The following MAGED1 variants were observed in gnomAD, a reference collection of about 807,000 sequenced individuals.
MAGED1 encodes MAGE family member D1, also known as melanoma-associated antigen D1.
In MAGED1, 3 loss-of-function variants were observed where a neutral mutation model predicts 54.1. The observed-to-expected ratio is 0.06, with a 90% confidence interval of 0.03 to 0.14. MAGED1 has a LOEUF of 0.14. Among genes scored for constraint, MAGED1 ranks in the 10% least tolerant of loss-of-function variants. The pLI is 1.00. For missense variants in MAGED1, 485 were observed against 623.4 expected, an observed-to-expected ratio of 0.78 and a Z score of 2.36; for synonymous variants, 217 against 227.3, an observed-to-expected ratio of 0.95 and a Z score of 0.41.
chrX:51,834,986 G>A (rs1326399217), intron 1 of MAGED1, among the ~76,000 whole-genome samples: 8 of 111,863 alleles, frequency 7.2e-5, no homozygotes, highest in African/African-American at 2.6e-4. Flanking sequence ...TCAGGATCAT[G>A]CTGGCCTCAT....
chrX:51,889,296 T>C (rs1029796120), upstream of MAGED1, among the ~76,000 whole-genome samples: 1 of 110,973 alleles, frequency 9.0e-6, no homozygotes, highest in Non-Finnish European at 1.9e-5. Flanking sequence ...TAATAAAATA[T>C]TACCTAAAAG....
At chrX:51,842,914 C>G (rs1926553275) in intron 1 of MAGED1, among the ~76,000 whole-genome samples, 1 of 109,186 alleles carries the variant, frequency 9.2e-6, no homozygotes. Flanking sequence ...AGGCTGGTCT[C>G]TAACTCCTGA....
chrX:51,839,327 G>C (rs374279570), intron 1 of MAGED1, among the ~76,000 whole-genome samples: 1 of 111,219 alleles, frequency 9.0e-6, no homozygotes, highest in East Asian at 2.8e-4. Flanking sequence ...AGAATTCCTT[G>C]TGTCCAGGAA....
intron 7 of MAGED1, 55 bp downstream of exon 7, chrX:51,897,941 G>C (rs1245020526): frequency 1.0e-6 from 1 of 998,388 alleles, no homozygotes; most frequent in African/African-American, 1.9e-5. Flanking sequence ...TTTTTTTCTA[G>C]GAGTTTCACG....
upstream of MAGED1, among the ~76,000 whole-genome samples, chrX:51,892,907 A>G (rs1224390677): frequency 9.0e-6 from 1 of 111,171 alleles, no homozygotes; most frequent in African/African-American, 3.3e-5. Flanking sequence ...TCCACTTCCC[A>G]GGGCTGCTGT....
At chrX:51,809,515 A>T (rs782454995) in intron 1 of MAGED1, among the ~76,000 whole-genome samples, 1 of 111,775 alleles carries the variant, frequency 8.9e-6, no homozygotes. Context: ...TGCTTCCTTG[A>T]GGTGGCATTT....
chrX:51,878,668 G>A (rs1364948439), intron 1 of MAGED1, among the ~76,000 whole-genome samples: 1 of 111,678 alleles, frequency 9.0e-6, no homozygotes, highest in African/African-American at 3.3e-5. Flanking sequence ...GGTAATACAT[G>A]TATTTTTGCC....
At chrX:51,847,104 A>G (rs1926714666) in intron 1 of MAGED1, among the ~76,000 whole-genome samples, 1 of 112,303 alleles carries the variant, frequency 8.9e-6, no homozygotes, top group African/African-American at 3.2e-5. Flanking sequence ...AAAGAATCAG[A>G]AAATAACAGG....
chrX:51,862,576 G>T (rs909447164), intron 1 of MAGED1, among the ~76,000 whole-genome samples: 19 of 110,953 alleles, frequency 1.7e-4, no homozygotes, highest in Non-Finnish European at 3.6e-4. Flanking sequence ...ACAACATATT[G>T]TTTAGTTTTG....
upstream of MAGED1, among the ~76,000 whole-genome samples, chrX:51,892,864 A>G (rs368720658): frequency 3.8e-4 from 42 of 111,048 alleles, no homozygotes; most frequent in South Asian, 0.015. Context: ...TCTGTGCCTC[A>G]GCTTCCTGAT....
In MAGED1 at chrX:51,814,372, A is replaced by G. The variant is rs909154980; in HGVS notation, c.-37+11255A>G. Reference sequence around the variant, plus strand: ...CAAAGATCCTGATCTTCAGGATTATAGGGAAAAACATTAGTGGCACCCCTG... The same window carrying G: ...CAAAGATCCTGATCTTCAGGATTATGGGGAAAAACATTAGTGGCACCCCTG... On this transcript the variant is annotated intron_variant, in intron 1 of 12. Transcript: ENST00000375772. Among the ~76,000 whole-genome samples the G allele has an allele frequency of 2.7e-5, 3 of 111,355 alleles. No homozygotes were observed. In the Admixed American group the frequency reaches 2.9e-4, roughly 11 times the overall value.
In MAGED1 at chrX:51,898,179, A is replaced by G. The variant is rs1928850988; in HGVS notation, c.1724A>G (p.Asn575Ser). The part of the protein sequence containing the change: ...VILGVIFMNG[N>S]RASEAVLWEA... Reference sequence around the variant, plus strand: ...CTGGGTGTCATCTTCATGAATGGCAACCGTGCCAGTGAGGGTGAGTGGCTG... The same window carrying G: ...CTGGGTGTCATCTTCATGAATGGCAGCCGTGCCAGTGAGGGTGAGTGGCTG... The change falls in exon 8 of 13, where the codon AAC (asparagine) becomes AGC (serine). Residue 575 changes from asparagine to serine, a missense_variant. Asn to Ser is a conservative substitution (Grantham distance 46, BLOSUM62 1). This residue lies in a region of MAGED1 where 186 missense variants were observed against 330.3 expected (regional missense o/e 0.56). Transcript: ENST00000326587. The G allele has an allele frequency of 8.3e-7, 1 of 1,209,272 alleles. No homozygotes were observed. Among genetic ancestry groups the G allele is most frequent in the African/African-American group, 1.8e-5 (1 of 57,006 alleles).
At chrX:51,882,550 A>G (rs1427159185) in intron 1 of MAGED1, among the ~76,000 whole-genome samples, 1 of 107,553 alleles carries the variant, frequency 9.3e-6, no homozygotes, top group Non-Finnish European at 1.9e-5. Context: ...TTTTTGCTGC[A>G]TACATCCTAG....
chrX:51,898,391 C>G (rs1928860675), intron 9 of MAGED1, 64 bp downstream of exon 9: 1 of 1,162,154 alleles, frequency 8.6e-7, no homozygotes, highest in African/African-American at 1.8e-5. Flanking sequence ...TGGATGGTCC[C>G]AGGATTGCAT....
At chrX:51,817,773 T>C (rs1161246362) in intron 1 of MAGED1, among the ~76,000 whole-genome samples, 1 of 112,041 alleles carries the variant, frequency 8.9e-6, no homozygotes, top group Non-Finnish European at 1.9e-5. Context: ...GTGCCACACG[T>C]AGTGCAAGGC....
intron 1 of MAGED1, among the ~76,000 whole-genome samples, chrX:51,849,220 A>C (rs1329408609): frequency 9.0e-6 from 1 of 111,205 alleles, no homozygotes; most frequent in African/African-American, 3.3e-5. Context: ...TCAGTCGTAT[A>C]CCAATTTCCT....
intron 1 of MAGED1, among the ~76,000 whole-genome samples, chrX:51,807,364 T>G (rs782353506): frequency 9.0e-6 from 1 of 111,715 alleles, no homozygotes; most frequent in African/African-American, 3.2e-5. Context: ...GATATATGTA[T>G]TACAAATCTC....
intron 1 of MAGED1, among the ~76,000 whole-genome samples, chrX:51,867,697 A>G (rs1226410192): frequency 1.8e-5 from 2 of 112,170 alleles, no homozygotes; most frequent in Non-Finnish European, 3.8e-5. Flanking sequence ...TCAAGTTGAT[A>G]CTCAGTATTA....
intron 1 of MAGED1, among the ~76,000 whole-genome samples, chrX:51,842,922 T>C (rs1396267371): frequency 6.4e-5 from 7 of 110,208 alleles, no homozygotes; most frequent in African/African-American, 2.3e-4. Context: ...CTCTAACTCC[T>C]GAGTTCAAGT....
Sources: allele counts gnomAD v4.1 joint callset (sites outside exome capture counted in the v4.1 genomes callset), GRCh38; gene constraint gnomAD v4.1.1; regional missense constraint gnomAD v4.1.1; transcripts MANE v1.5; gene names NCBI Gene and HGNC (gene_info 2026-07-23, HGNC 2026-07-21).